The following CASD1 variants were observed in gnomAD, a reference collection of about 807,000 sequenced individuals.
CASD1 encodes CAS1 domain sialic acid O acetyltransferase 1.
Under a neutral mutation model 100.0 loss-of-function variants are expected in CASD1, and 41 were observed. That is an observed-to-expected ratio of 0.41 (90% confidence interval 0.32 to 0.53). The LOEUF (loss-of-function observed/expected upper bound fraction) is 0.53. CASD1 is among the 20% of genes least tolerant of loss of function. The pLI, the probability that CASD1 is intolerant of heterozygous loss-of-function variation, is 0.25. For missense variants in CASD1, 774 were observed against 948.7 expected, an observed-to-expected ratio of 0.82 and a Z score of 2.42; for synonymous variants, 321 against 315.6, an observed-to-expected ratio of 1.02 and a Z score of -0.18.
At chr7:94,533,853 G>T in intron 7 of CASD1, 51 bp downstream of exon 7, 1 of 1,437,030 alleles carries the variant, frequency 7.0e-7, no homozygotes, top group Non-Finnish European at 9.2e-7. Flanking sequence ...TTTGAAGCAT[G>T]GGTTTTTATT....
downstream of CASD1, among the ~76,000 whole-genome samples, chr7:94,558,090 C>T (rs1796265901): frequency 6.6e-6 from 1 of 152,102 alleles, no homozygotes. Context: ...AAGGTACTTG[C>T]TTGACTGAAT....
chr7:94,544,322 TTTA>T lies in CASD1; in HGVS notation c.1357-84_1357-82del. 2.7e-6 allele frequency: 4 copies of T among 1,467,922 alleles called. No individual in the cohort carries two copies. The East Asian group carries it at 7.1e-5, about 26-fold the overall frequency. The allele number at this position is 1,467,922 out of a possible 1,614,324, so 90.9% of individuals were successfully genotyped here. A position where few individuals can be genotyped will look rare whatever the true frequency, so the allele number is the denominator to read the frequency against. On this transcript the variant is annotated intron_variant, in intron 10 of 17. Transcript: ENST00000297273. ...AGCTGATGCCAAATGCTAATAATCATTTATTATCTTTGTTAAATGTACTTGTTA... is the reference window on the plus strand; with the variant it reads ...AGCTGATGCCAAATGCTAATAATCATTTATCTTTGTTAAATGTACTTGTTA...
intron 14 of CASD1, 151 bp downstream of exon 14, chr7:94,549,785 CTCTTT>C (rs1795856942): frequency 3.7e-6 from 2 of 541,588 alleles, no homozygotes; most frequent in Admixed American, 3.6e-5. Context: ...ACCCCCTGCA[CTCTTT>C]TCTTTACAGC....
chr7:94,610,518 CA>C, the CASD1 span, among the ~76,000 whole-genome samples: 15 of 151,806 alleles, frequency 9.9e-5, no homozygotes, highest in African/African-American at 1.9e-4. Flanking sequence ...AGTATACGCA[CA>C]AAAAAATCAA....
the CASD1 span, among the ~76,000 whole-genome samples, chr7:94,563,247 C>G: frequency 0.038 from 5,761 of 152,170 alleles, 180 homozygotes; most frequent in Non-Finnish European, 0.057. Flanking sequence ...CTCCTTACCC[C>G]CTTTTCCAAA....
chr7:94,528,387 C>T, intron 5 of CASD1, 137 bp downstream of exon 5: 2 of 576,570 alleles, frequency 3.5e-6, no homozygotes, highest in Non-Finnish European at 5.9e-6. Context: ...CTAAACTGTG[C>T]TGGACTGATT....
intron 3 of CASD1, among the ~76,000 whole-genome samples, chr7:94,523,638 C>T (rs533059390): frequency 6.6e-6 from 1 of 152,282 alleles, no homozygotes; most frequent in African/African-American, 2.4e-5. Context: ...TATTCCCAAA[C>T]CGATCTGTAG....
intron 9 of CASD1, among the ~76,000 whole-genome samples, chr7:94,538,708 A>C (rs1281826326): frequency 6.6e-6 from 1 of 152,188 alleles, no homozygotes. Context: ...CATTTAATAC[A>C]AAACCAAGGG....
chr7:94,559,992 A>G (rs935421466), downstream of CASD1, among the ~76,000 whole-genome samples: 1 of 152,158 alleles, frequency 6.6e-6, no homozygotes, highest in Non-Finnish European at 1.5e-5. Flanking sequence ...GCTTGATTCT[A>G]TATCTGGCAG....
chr7:94,512,595 G>A (rs1332906572), intron 1 of CASD1, among the ~76,000 whole-genome samples: 2 of 152,198 alleles, frequency 1.3e-5, no homozygotes, highest in Non-Finnish European at 2.9e-5. Flanking sequence ...GCACTTATAT[G>A]TCAGGGACTG....
chr7:94,614,231 T>G, the CASD1 span, among the ~76,000 whole-genome samples: 1 of 152,164 alleles, frequency 6.6e-6, no homozygotes, highest in Non-Finnish European at 1.5e-5. Flanking sequence ...AAGAATTTTT[T>G]CATGTGTTCA....
chr7:94,626,650 T>G, the CASD1 span: 1 of 152,016 alleles, frequency 6.6e-6, no homozygotes, highest in African/African-American at 2.4e-5. Context: ...GGTTTCCATT[T>G]CTTCTTTTTA....
intron 14 of CASD1, among the ~76,000 whole-genome samples, chr7:94,550,463 G>C (rs1795894571): frequency 6.6e-6 from 1 of 152,100 alleles, no homozygotes; most frequent in African/African-American, 2.4e-5. Context: ...AGTGTATTAT[G>C]ATACGACTGT....
At chr7:94,549,330 T>G (rs551678300) in intron 13 of CASD1, among the ~76,000 whole-genome samples, 2 of 152,090 alleles carry the variant, frequency 1.3e-5, no homozygotes, top group East Asian at 3.9e-4. Flanking sequence ...CATTAGAAGA[T>G]AAATTTATTT....
At chr7:94,628,525 A>T in the CASD1 span, 4 of 564,250 alleles carry the variant, frequency 7.1e-6, no homozygotes, top group Admixed American at 1.3e-4. Context: ...GCACCACGTT[A>T]AAAAAAATCC....
chr7:94,523,122 A>G (rs1450220039), intron 3 of CASD1, among the ~76,000 whole-genome samples: 1 of 152,246 alleles, frequency 6.6e-6, no homozygotes, highest in Non-Finnish European at 1.5e-5. Context: ...AATGTCAGAC[A>G]TACTTCCATT....
chr7:94,566,344 TAAAG>T, the CASD1 span, among the ~76,000 whole-genome samples: 43 of 151,958 alleles, frequency 2.8e-4, no homozygotes, highest in Non-Finnish European at 5.0e-4. Context: ...TAATTTCTGA[TAAAG>T]AATAGCTCAA....
At chr7:94,624,286 A>T in the CASD1 span, 6 of 398,060 alleles carry the variant, frequency 1.5e-5, no homozygotes, top group African/African-American at 1.2e-4. Context: ...GACTTCAACT[A>T]AAAATAAATA....
At chr7:94,543,303 AT>A (rs1554412694) in intron 10 of CASD1, among the ~76,000 whole-genome samples, 1 of 152,164 alleles carries the variant, frequency 6.6e-6, no homozygotes, top group Non-Finnish European at 1.5e-5. Context: ...TATAAAATCT[AT>A]TTAATGTGTC....
Sources: allele counts gnomAD v4.1 joint callset (sites outside exome capture counted in the v4.1 genomes callset), GRCh38; gene constraint gnomAD v4.1.1; transcripts MANE v1.5; gene names NCBI Gene and HGNC (gene_info 2026-07-23, HGNC 2026-07-21).